Variants in FAM184A observed in about 807,000 individuals in gnomAD.
FAM184A encodes the protein family with sequence similarity 184 member A, also known as protein FAM184A.
A neutral mutation model predicts 143.8 loss-of-function variants in FAM184A; 99 were observed. That is an observed-to-expected ratio of 0.69 (90% CI 0.58 to 0.81). FAM184A has a LOEUF of 0.81. Among genes scored for constraint, FAM184A ranks in the 40% least tolerant of loss-of-function variants. FAM184A has a pLI of 0.00. For missense variants in FAM184A, 1,217 were observed against 1,310.5 expected, an observed-to-expected ratio of 0.93 and a Z score of 1.10; for synonymous variants, 427 against 446.4, an observed-to-expected ratio of 0.96 and a Z score of 0.55.
chr6:119,082,570 C>T (rs1454516738), upstream of FAM184A, among the ~76,000 whole-genome samples: 2 of 152,354 alleles, frequency 1.3e-5, no homozygotes, highest in Non-Finnish European at 2.9e-5. Context: ...AACAAAGGGG[C>T]CACAGGCCCC....
intron 1 of FAM184A, among the ~76,000 whole-genome samples, chr6:119,061,331 G>T (rs1247260847): frequency 6.6e-6 from 1 of 151,952 alleles, no homozygotes; most frequent in African/African-American, 2.4e-5. Context: ...ATATCCTGAG[G>T]AGAGAGCCAG....
chr6:119,024,422 C>T lies in FAM184A; in HGVS notation c.551G>A (p.Arg184Gln). 1 of 1,614,178 alleles carries T rather than the reference C, an allele frequency of 6.2e-7. No homozygotes were observed. The highest frequency in any genetic ancestry group is 8.5e-7 in the Non-Finnish European group (1 of 1,180,046). The change falls in exon 2 of 18, where the codon CGA becomes CAA. Residue 184 changes from arginine (R) to glutamine (Q), a missense_variant. Transcript: ENST00000338891. ...QLQVQFEKDK[R>Q]LALEDLQAAH... Reference sequence around the variant, plus strand: ...AGCTTGCAAGTCTTCCAATGCCAATCGTTTGTCTTTTTCAAACTGTACTTG... The same window carrying T: ...AGCTTGCAAGTCTTCCAATGCCAATTGTTTGTCTTTTTCAAACTGTACTTG...
At chr6:119,013,339 C>G (rs1044611317) in intron 5 of FAM184A, among the ~76,000 whole-genome samples, 1 of 152,106 alleles carries the variant, frequency 6.6e-6, no homozygotes, top group Non-Finnish European at 1.5e-5. Flanking sequence ...TCAATTCTAG[C>G]ACTTATAACT....
chr6:118,987,954 A>G (rs1302826202), intron 9 of FAM184A, among the ~76,000 whole-genome samples: 1 of 152,224 alleles, frequency 6.6e-6, no homozygotes, highest in African/African-American at 2.4e-5. Context: ...TACACAAAAT[A>G]TATCTTATTG....
intron 1 of FAM184A, among the ~76,000 whole-genome samples, chr6:119,135,035 A>G (rs932129817): frequency 6.6e-6 from 1 of 152,262 alleles, no homozygotes; most frequent in African/African-American, 2.4e-5. Context: ...ACTTTCGTAC[A>G]TATGCACTAG....
At chr6:119,033,775 T>A (rs2114712278) in intron 1 of FAM184A, among the ~76,000 whole-genome samples, 1 of 151,090 alleles carries the variant, frequency 6.6e-6, no homozygotes, top group Admixed American at 6.6e-5. Context: ...GTGGATCACC[T>A]GAGGCTAGGA....
intron 9 of FAM184A, among the ~76,000 whole-genome samples, chr6:119,001,745 A>C (rs1367955720): frequency 1.3e-5 from 2 of 152,196 alleles, no homozygotes; most frequent in Non-Finnish European, 1.5e-5. Context: ...GAAAAAATAT[A>C]TCTCTATTAA....
At chr6:119,097,265 G>A (rs1788532061) in intron 1 of FAM184A, among the ~76,000 whole-genome samples, 1 of 152,064 alleles carries the variant, frequency 6.6e-6, no homozygotes, top group Non-Finnish European at 1.5e-5. Context: ...TCAGCTTTCA[G>A]TTCTCCACCT....
chr6:118,970,008 A>ATATATATATATATATATATTTTTTTTTTT lies in FAM184A; in HGVS notation c.2916-3057_2916-3056insAAAAAAAAAAATATATATATATATATATA. Among the ~76,000 whole-genome samples the ATATATATATATATATATATTTTTTTTTTT allele has an allele frequency of 1.1e-3, 20 of 19,014 alleles. 1 individual carries two copies. The highest frequency in any genetic ancestry group is 1.7e-3 in the African/African-American group (11 of 6,476). The allele number at this position is 19,014 out of a possible 152,430, so 12.5% of individuals were successfully genotyped here. A position where few individuals can be genotyped will look rare whatever the true frequency, so the allele number is the denominator to read the frequency against. On this transcript the variant is annotated intron_variant, in intron 14 of 17. Coordinates refer to ENST00000338891, the MANE Select transcript of FAM184A (RefSeq NM_024581.6). ...ATATATATATAATATATATATATAT[A>ATATATATATATATATATATTTTTTTTTTT]TTTTTTTTTTTTTGAGATGGAGTTT...
chr6:119,013,277 G>T (rs1234615877), intron 5 of FAM184A, among the ~76,000 whole-genome samples: 2 of 152,096 alleles, frequency 1.3e-5, no homozygotes, highest in Non-Finnish European at 2.9e-5. Flanking sequence ...TCAGGTGAAG[G>T]GATAATGAGG....
chr6:118,987,583 T>A (rs1199899603), intron 9 of FAM184A, among the ~76,000 whole-genome samples: 1 of 152,204 alleles, frequency 6.6e-6, no homozygotes, highest in African/African-American at 2.4e-5. Context: ...TTTACTCTAT[T>A]TTGCTTTTCA....
chr6:119,102,784 C>CAAAAAAAAAAAAAAAAAAAAAAAAAA (rs58686018), intron 1 of FAM184A, among the ~76,000 whole-genome samples: 1 of 30,110 alleles, frequency 3.3e-5, no homozygotes, highest in Non-Finnish European at 6.7e-5. Context: ...GACTCCATCT[C>CAAAAAAAAAAAAAAAAAAAAAAAAAA]AAAAAAAAAA....
At chr6:119,090,536 C>T (rs1274211389) in intron 1 of FAM184A, among the ~76,000 whole-genome samples, 2 of 152,178 alleles carry the variant, frequency 1.3e-5, no homozygotes, top group African/African-American at 4.8e-5. Context: ...AAAAGTATCT[C>T]CTACAATCTA....
rs752956360 is a variant in FAM184A at position 119,024,349 on chromosome 6, G to C, written c.624C>G (p.His208Gln). 2.2e-5 allele frequency: 36 copies of C among 1,614,068 alleles called. No homozygotes were observed. The highest frequency in any genetic ancestry group is 2.7e-5 in the Non-Finnish European group (32 of 1,180,042). ...IQELLKSQQD[H>Q]SASVNKGQEK... ...CCTGGCCTTTATTTACTGAGGCACT[G>C]TGATCCTGCTGTGACTTCAATAGCT... is the stretch of plus-strand genomic sequence containing the variant. Residue 208 changes from histidine (H) to glutamine (Q), a missense_variant, in exon 2 of 18, where the codon CAC (histidine) becomes CAG (glutamine). Coordinates refer to ENST00000338891, the MANE Select transcript of FAM184A (RefSeq NM_024581.6).
At chr6:119,108,001 ATTG>A (rs970345900) in intron 1 of FAM184A, among the ~76,000 whole-genome samples, 4 of 152,154 alleles carry the variant, frequency 2.6e-5, no homozygotes, top group Non-Finnish European at 4.4e-5. Flanking sequence ...TTAATCAGGT[ATTG>A]TTCTATGCGT....
intron 1 of FAM184A, among the ~76,000 whole-genome samples, chr6:119,060,807 T>C (rs928436705): frequency 6.6e-6 from 1 of 152,188 alleles, no homozygotes; most frequent in Admixed American, 6.5e-5. Context: ...CTCCTGGCCA[T>C]GTGAAGCTCC....
intron 1 of FAM184A, among the ~76,000 whole-genome samples, chr6:119,113,706 C>T (rs1283445814): frequency 6.6e-6 from 1 of 151,936 alleles, no homozygotes; most frequent in Non-Finnish European, 1.5e-5. Flanking sequence ...TTTGGGAGGC[C>T]GAGGTGAGTG....
intron 1 of FAM184A, among the ~76,000 whole-genome samples, chr6:119,084,076 G>GGA (rs1156368493): frequency 2.6e-5 from 4 of 151,310 alleles, no homozygotes; most frequent in East Asian, 2.0e-4. Flanking sequence ...CATTGTGGCA[G>GGA]GAGAGAGAGA....
At chr6:119,020,612 A>G (rs1319652829) in intron 3 of FAM184A, among the ~76,000 whole-genome samples, 1 of 152,186 alleles carries the variant, frequency 6.6e-6, no homozygotes, top group Non-Finnish European at 1.5e-5. Context: ...TCTAACATAA[A>G]AAGGAAGAAG....
Sources: gnomAD v4.1 joint callset for allele counts (sites outside exome capture counted in the v4.1 genomes callset) on GRCh38, gnomAD v4.1.1 for gene constraint, MANE v1.5 for transcripts, NCBI Gene and HGNC (gene_info 2026-07-23, HGNC 2026-07-21) for gene names.